The following DTNA variants were observed in gnomAD, a reference collection of about 807,000 sequenced individuals.
The protein encoded by DTNA is dystrophin-related protein 3.
In DTNA, 43 loss-of-function variants were observed where a neutral mutation model predicts 100.7. The ratio of observed to expected loss-of-function variants is 0.43; its 90% CI spans 0.33 to 0.55. The LOEUF (loss-of-function observed/expected upper bound fraction) is 0.55, where lower values mean the gene tolerates loss of function less well. Ranked by LOEUF, DTNA falls within the 20% of genes least tolerant of loss-of-function variation. The pLI, the probability that DTNA is intolerant of heterozygous loss-of-function variation, is 0.04. For synonymous variants in DTNA, 349 were observed against 347.9 expected, an observed-to-expected ratio of 1.00 and a Z score of -0.04; for missense variants, 798 against 953.9, an observed-to-expected ratio of 0.84 and a Z score of 2.15.
intron 9 of DTNA, among the ~76,000 whole-genome samples, chr18:34,821,701 A>G (rs907060740): frequency 1.3e-5 from 2 of 152,200 alleles, no homozygotes; most frequent in African/African-American, 4.8e-5. Flanking sequence ...TCATGTAGTC[A>G]CAGATGCCTC....
chr18:34,633,789 C>T (rs2058353668), intron 1 of DTNA, among the ~76,000 whole-genome samples: 1 of 152,164 alleles, frequency 6.6e-6, no homozygotes, highest in African/African-American at 2.4e-5. Context: ...TGAACAGTCT[C>T]CTGAGTTTCC....
Position 34,765,984 on chromosome 18 carries a change from C to G in DTNA, c.91C>G (p.Arg31Gly). The change falls in exon 3 of 23, where the codon CGA becomes GGA. Residue 31 changes from arginine to glycine, a missense_variant. This residue lies in a region of DTNA where 197 missense variants were observed against 215.4 expected (regional missense o/e 0.91). Coordinates refer to ENST00000444659, the MANE Select transcript of DTNA (RefSeq NM_001386795.1). Reference sequence around the variant, plus strand: ...AGGGGCTCAAGATCTGGATCGCATCCGACTCTCCACCTACAGAACAGCATG... The same window carrying G: ...AGGGGCTCAAGATCTGGATCGCATCGGACTCTCCACCTACAGAACAGCATG... ...EMRAQDLDRIRLSTYRTACKL... is the reference protein window; with the variant it reads ...EMRAQDLDRIGLSTYRTACKL... 1 of 1,613,770 alleles carries G rather than the reference C, an allele frequency of 6.2e-7. No individual in the cohort carries two copies. The highest frequency in any genetic ancestry group is 8.5e-7 in the Non-Finnish European group (1 of 1,179,752).
intron 1 of DTNA, among the ~76,000 whole-genome samples, chr18:34,520,148 T>C (rs113208764): frequency 6.6e-6 from 1 of 152,300 alleles, no homozygotes; most frequent in African/African-American, 2.4e-5. Context: ...CCACTTGATA[T>C]AAAAGACAAT....
chr18:34,845,878 C>T (rs1294059986), intron 13 of DTNA, among the ~76,000 whole-genome samples: 2 of 152,140 alleles, frequency 1.3e-5, no homozygotes, highest in East Asian at 1.9e-4. Context: ...AATAAAATCT[C>T]AATCCACTGG....
At chr18:34,851,394 G>C (rs971366710) in intron 14 of DTNA, among the ~76,000 whole-genome samples, 3 of 152,148 alleles carry the variant, frequency 2.0e-5, no homozygotes, top group Non-Finnish European at 4.4e-5. Context: ...GAGCCACCAT[G>C]CCTGGCCTAA....
intron 1 of DTNA, among the ~76,000 whole-genome samples, chr18:34,712,357 C>T (rs113574725): frequency 6.6e-6 from 1 of 152,012 alleles, no homozygotes; most frequent in African/African-American, 2.4e-5. Flanking sequence ...CTTTAAAATA[C>T]ATGATAAAGT....
At chr18:34,721,036 T>C (rs746207540) in intron 1 of DTNA, among the ~76,000 whole-genome samples, 2 of 152,192 alleles carry the variant, frequency 1.3e-5, no homozygotes, top group Non-Finnish European at 2.9e-5. Context: ...TATTCAATTA[T>C]GTTATATTTG....
chr18:34,511,683 T>C (rs2041107638), intron 1 of DTNA, among the ~76,000 whole-genome samples: 1 of 152,048 alleles, frequency 6.6e-6, no homozygotes, highest in Admixed American at 6.6e-5. Flanking sequence ...ACCTTGTGGT[T>C]TGTCTAACTT....
Position 34,879,617 on chromosome 18 carries a change from T to A in DTNA, c.2060T>A (p.Val687Asp). ...EFARTQFEDL[V>D]PSPTSEKAFL... ...GCACGGACTCAGTTTGAGGATCTTG[T>A]TCCCTCACCAACCTCTGAAAAGGCT... The change falls in exon 20 of 23, where the codon GTT becomes GAT. Residue 687 changes from valine (V) to aspartate (D), a missense_variant. Coordinates refer to ENST00000444659, the MANE Select transcript of DTNA (RefSeq NM_001386795.1). The A allele has an allele frequency of 6.2e-7, 1 of 1,614,054 alleles. No individual in the cohort carries two copies. The highest frequency in any genetic ancestry group is 1.3e-5 in the African/African-American group (1 of 75,022).
chr18:34,620,817 A>G (rs2056343119), intron 1 of DTNA, among the ~76,000 whole-genome samples: 1 of 152,148 alleles, frequency 6.6e-6, no homozygotes, highest in South Asian at 2.1e-4. Flanking sequence ...CACCTCCAGC[A>G]TTGGAGATTA....
intron 1 of DTNA, among the ~76,000 whole-genome samples, chr18:34,751,783 C>G (rs2092342872): frequency 6.6e-6 from 1 of 152,140 alleles, no homozygotes. Context: ...CATATTACTC[C>G]AAATTTTAAT....
At chr18:34,696,942 G>A (rs954484975) in intron 1 of DTNA, among the ~76,000 whole-genome samples, 2 of 152,152 alleles carry the variant, frequency 1.3e-5, no homozygotes, top group African/African-American at 4.8e-5. Context: ...GGAACATTTA[G>A]CAATATCTGT....
At chr18:34,800,313 AT>A (rs1047092432) in intron 4 of DTNA, among the ~76,000 whole-genome samples, 35 of 152,222 alleles carry the variant, frequency 2.3e-4, no homozygotes, top group African/African-American at 8.0e-4. Context: ...AATGGGTTGT[AT>A]TAAAATTAAC....
At chr18:34,818,572 A>G in intron 8 of DTNA, 1 of 1,374,194 alleles carries the variant, frequency 7.3e-7, no homozygotes, top group East Asian at 3.0e-5. Flanking sequence ...TACTTCTTGG[A>G]ATATAGATAA....
At chr18:34,830,084 C>T (rs554017804) in intron 11 of DTNA, among the ~76,000 whole-genome samples, 7 of 152,084 alleles carry the variant, frequency 4.6e-5, no homozygotes, top group South Asian at 2.1e-4. Flanking sequence ...TTAATCGTGT[C>T]GATAAACTAA....
In DTNA at chr18:34,659,198, A is replaced by G. The variant is rs778915228; in HGVS notation, c.-1-96778A>G. ...AAACAGGATGCAAGCCACATATGTA[A>G]TTATAAATTTTCTAGTAGCCACATT... On this transcript the variant is annotated intron_variant, in intron 1 of 19. Coordinates refer to the DTNA transcript ENST00000283365. 7.2e-5 allele frequency among the ~76,000 whole-genome samples: 11 copies of G among 152,344 alleles called. 1 individual carries two copies. In the South Asian group the frequency reaches 1.0e-3, roughly 14 times the overall value.
intron 1 of DTNA, among the ~76,000 whole-genome samples, chr18:34,727,648 T>A (rs983453452): frequency 2.0e-5 from 3 of 152,130 alleles, no homozygotes; most frequent in Non-Finnish European, 4.4e-5. Flanking sequence ...CACTGCAACC[T>A]CCACCTCCCA....
At chr18:34,877,434 A>G (rs1450151767) in intron 18 of DTNA, among the ~76,000 whole-genome samples, 2 of 152,220 alleles carry the variant, frequency 1.3e-5, no homozygotes, top group African/African-American at 4.8e-5. Flanking sequence ...AGCCAGCCTT[A>G]TTCATACTGC....
rs186679541 is a variant in DTNA, at chr18:34,878,983, G to C, written c.1994-568G>C. 8.5e-5 allele frequency among the ~76,000 whole-genome samples: 13 copies of C among 152,246 alleles called. No individual in the cohort carries two copies. The East Asian group carries it at 2.5e-3, about 29-fold the overall frequency. ...CTAATTTAGATTAAGATTACCAAACGGAATAAAAAGATAGTAGTTAATACA... is the reference window on the plus strand; with the variant it reads ...CTAATTTAGATTAAGATTACCAAACCGAATAAAAAGATAGTAGTTAATACA... On this transcript the variant is annotated intron_variant, in intron 19 of 22. Transcript: ENST00000444659.
Sources: gnomAD v4.1 joint callset for allele counts (sites outside exome capture counted in the v4.1 genomes callset) on GRCh38, gnomAD v4.1.1 for gene constraint, gnomAD v4.1.1 regional missense constraint, MANE v1.5 for transcripts, NCBI Gene and HGNC (gene_info 2026-07-23, HGNC 2026-07-21) for gene names.